The following FAM118A variants were observed in gnomAD, a reference collection of about 807,000 sequenced individuals.
FAM118A encodes SIR2 antiphage like 2, also known as protein FAM118A.
In FAM118A, 25 loss-of-function variants were observed where a neutral mutation model predicts 38.2. The observed-to-expected ratio is 0.65, with a 90% CI of 0.48 to 0.91. FAM118A has a LOEUF of 0.91. FAM118A is among the 40% of genes least tolerant of loss of function. The probability of loss-of-function intolerance (pLI) is 0.00; values close to 1 mark genes in which losing one functional copy is unlikely to be tolerated. For missense variants in FAM118A, 425 were observed against 463.3 expected (o/e 0.92, Z 0.76); for synonymous variants, 178 against 184.1 (o/e 0.97, Z 0.27).
chr22:45,333,692 AG>A (rs1027537587), intron 6 of FAM118A, among the ~76,000 whole-genome samples: 3 of 149,156 alleles, frequency 2.0e-5, no homozygotes, highest in African/African-American at 4.9e-5. Context: ...AAAAAAAAAA[AG>A]AGCTGGGTTT....
At chr22:45,334,922 G>C (rs2085980334) in intron 6 of FAM118A, 1 of 172,884 alleles carries the variant, frequency 5.8e-6, no homozygotes, top group Non-Finnish European at 1.2e-5. Context: ...GGGCTGAGCA[G>C]CTTTCTGTCC....
At position 45,340,715 on chromosome 22, in the gene FAM118A, C is replaced by G. The variant is rs1602026902; in HGVS notation, c.*310C>G. The G allele has an allele frequency of 2.3e-6, 1 of 444,198 alleles. No homozygotes were observed. The highest frequency in any genetic ancestry group is 3.5e-5 in the East Asian group (1 of 28,172). The allele number at this position is 444,198 out of a possible 1,614,324, so 27.5% of individuals were successfully genotyped here. On this transcript the variant is annotated 3_prime_UTR_variant, in exon 9 of 9. Transcript: ENST00000441876. ...TTCCCGTTCCCATCTGACAGGCTCT[C>G]TTTTGTCAAGGTGGTATTTTTCGTA...
intron 1 of FAM118A, among the ~76,000 whole-genome samples, chr22:45,316,740 A>G (rs916962656): frequency 6.6e-6 from 1 of 152,200 alleles, no homozygotes; most frequent in Non-Finnish European, 1.5e-5. Context: ...TCACAGTGGC[A>G]GTGGTAATAT....
At chr22:45,336,575 C>T (rs1329144876) in intron 8 of FAM118A, among the ~76,000 whole-genome samples, 164 bp downstream of exon 8, 2 of 152,236 alleles carry the variant, frequency 1.3e-5, no homozygotes, top group Admixed American at 1.3e-4. Flanking sequence ...TAGCAGAGAC[C>T]CTGACCTCTC....
In FAM118A at chr22:45,323,041, CTGTGTGTGTGTGTGTGTGTG is replaced by C. The variant is rs3041118; in HGVS notation, c.48-118_48-99del. On this transcript the variant is annotated intron_variant, in intron 2 of 8. Transcript: ENST00000441876. ...CGTCTCCCCACAGCGTCAGAGGGGA[CTGTGTGTGTGTGTGTGTGTG>C]TGTGTGTGTGTGTGTACACAGCACA... 2,952 of 659,788 alleles carry C rather than the reference CTGTGTGTGTGTGTGTGTGTG, an allele frequency of 4.5e-3. 8 individuals are homozygous for C. The highest frequency in any genetic ancestry group is 6.0e-3 in the Non-Finnish European group (2,352 of 393,786). 40.9% of individuals were successfully genotyped at this position (659,788 alleles called of 1,614,324 possible).
At chr22:45,326,639 C>T (rs2085287477) in intron 3 of FAM118A, among the ~76,000 whole-genome samples, 1 of 151,898 alleles carries the variant, frequency 6.6e-6, no homozygotes. Flanking sequence ...CCAGCCTGGC[C>T]AACATGGTGA....
At position 45,332,343 on chromosome 22, in the gene FAM118A, A is replaced by C. The variant is rs1202264644; in HGVS notation, c.652-82A>C. The C allele has an allele frequency of 2.1e-6, 3 of 1,437,666 alleles. No homozygotes were observed. In the East Asian group the frequency reaches 6.8e-5, roughly 33 times the overall value. The allele number at this position is 1,437,666 out of a possible 1,614,324, so 89.1% of individuals were successfully genotyped here. Reference sequence around the variant, plus strand: ...GCCTGTCAGGGAGCAGTGATGTAAAAGCACACACATGTGACTTGGTTAGTT... The same window carrying C: ...GCCTGTCAGGGAGCAGTGATGTAAACGCACACACATGTGACTTGGTTAGTT... On this transcript the variant is annotated intron_variant, in intron 5 of 8. Coordinates refer to ENST00000441876, the MANE Select transcript of FAM118A (RefSeq NM_017911.4).
At chr22:45,325,777 A>T (rs2085218570) in intron 3 of FAM118A, among the ~76,000 whole-genome samples, 1 of 152,130 alleles carries the variant, frequency 6.6e-6, no homozygotes, top group Non-Finnish European at 1.5e-5. Context: ...AGCGGACATG[A>T]GAATCACCCC....
rs560745950 is a variant in FAM118A at position 45,312,215 on chromosome 22, C to A, written c.-10+2032C>A. 2.4e-3 allele frequency among the ~76,000 whole-genome samples: 360 copies of A among 152,298 alleles called. 1 individual carries two copies. The highest frequency in any genetic ancestry group is 3.7e-3 in the Non-Finnish European group (255 of 68,026). On this transcript the variant is annotated intron_variant, in intron 1 of 8. Coordinates refer to ENST00000441876, the MANE Select transcript of FAM118A (RefSeq NM_017911.4). Reference sequence around the variant, plus strand: ...CAAGAGACACCAACTGGGTATCTTCCAATTCAGTTCTGATACTACCTGGAG... The same window carrying A: ...CAAGAGACACCAACTGGGTATCTTCAAATTCAGTTCTGATACTACCTGGAG...
At position 45,341,211 on chromosome 22, in the gene FAM118A, C is replaced by T. The variant is rs548497403; in HGVS notation, c.*806C>T. 2.0e-4 allele frequency: 31 copies of T among 152,244 alleles called. No homozygotes were observed. The highest frequency in any genetic ancestry group is 1.2e-3 in the Admixed American group (19 of 15,294). The allele number at this position is 152,244 out of a possible 1,614,324, so 9.4% of individuals were successfully genotyped here. ...AAATAGTAAAGAATGAATCCGCTAG[C>T]GAAAATGTTTTTAGGGAGAACAGCT... On this transcript the variant is annotated 3_prime_UTR_variant, in exon 9 of 9. Coordinates refer to ENST00000441876, the MANE Select transcript of FAM118A (RefSeq NM_017911.4).
At chr22:45,338,891 T>G (rs2086283206) in intron 8 of FAM118A, among the ~76,000 whole-genome samples, 1 of 152,300 alleles carries the variant, frequency 6.6e-6, no homozygotes, top group South Asian at 2.1e-4. Flanking sequence ...TTATAAAGAT[T>G]CTTAGTGAGT....
At chr22:45,335,489 T>A in intron 7 of FAM118A, 107 bp downstream of exon 7, 1 of 1,301,142 alleles carries the variant, frequency 7.7e-7, no homozygotes, top group Non-Finnish European at 1.1e-6. Context: ...CTTAAATAAT[T>A]AGCTTGTATT....
intron 1 of FAM118A, among the ~76,000 whole-genome samples, chr22:45,311,578 G>A (rs1259916793): frequency 6.6e-6 from 1 of 152,168 alleles, no homozygotes; most frequent in Non-Finnish European, 1.5e-5. Context: ...CTGAGAGCCA[G>A]TCAGGACCAA....
chr22:45,325,444 A>G (rs1313508967), intron 3 of FAM118A, among the ~76,000 whole-genome samples: 1 of 152,108 alleles, frequency 6.6e-6, no homozygotes, highest in Non-Finnish European at 1.5e-5. Context: ...GTAGTGATCC[A>G]TTGTAGACTC....
rs184392613 is a variant in FAM118A, at chr22:45,337,856, C to T, written c.1054+1445C>T. 1.6e-4 allele frequency: 158 copies of T among 985,402 alleles called. No homozygotes were observed. In the African/African-American group the frequency reaches 2.0e-3, roughly 12 times the overall value. The allele number at this position is 985,402 out of a possible 1,614,324, so 61.0% of individuals were successfully genotyped here. ...CAGGTGTCTGTGCCATCCTCATGCT[C>T]GCGGGAGTTTTGGCATGGGATTCTC... On this transcript the variant is annotated intron_variant, in intron 8 of 8. Transcript: ENST00000441876.
rs2086405466 is a variant in FAM118A at position 45,340,412 on chromosome 22, T to C, written c.*7T>C. 1.9e-6 allele frequency: 3 copies of C among 1,614,098 alleles called. No individual in the cohort carries two copies. Among genetic ancestry groups the C allele is most frequent in the Non-Finnish European group, 8.5e-7 (1 of 1,180,036 alleles). On this transcript the variant is annotated 3_prime_UTR_variant, in exon 9 of 9. Transcript: ENST00000441876. ...TGATGCTGGAGGGTCTTGAAATCTTTACAGTAAAACCTGCAACTTGAAAAC... is the reference window on the plus strand; with the variant it reads ...TGATGCTGGAGGGTCTTGAAATCTTCACAGTAAAACCTGCAACTTGAAAAC...
intron 1 of FAM118A, among the ~76,000 whole-genome samples, chr22:45,311,751 TG>T (rs1332649672): frequency 1.3e-5 from 2 of 151,808 alleles, no homozygotes; most frequent in African/African-American, 4.8e-5. Context: ...CTATGAGAGA[TG>T]GGGGTGACCT....
chr22:45,327,794 G>A (rs1314734333), intron 3 of FAM118A, 48 bp from the exon 4 acceptor site: 1 of 1,592,232 alleles, frequency 6.3e-7, no homozygotes, highest in Non-Finnish European at 8.6e-7. Flanking sequence ...GTGCTCAGTA[G>A]TTGTTAAGAG....
chr22:45,313,047 GCCC>G (rs1338727143), intron 1 of FAM118A, among the ~76,000 whole-genome samples: 1 of 152,156 alleles, frequency 6.6e-6, no homozygotes, highest in Non-Finnish European at 1.5e-5. Flanking sequence ...CTGGTGATAA[GCCC>G]CCTTCTGAAG....
Sources: allele counts gnomAD v4.1 joint callset (sites outside exome capture counted in the v4.1 genomes callset), GRCh38; gene constraint gnomAD v4.1.1; transcripts MANE v1.5; gene names NCBI Gene and HGNC (gene_info 2026-07-23, HGNC 2026-07-21).